Variants in RBFOX1 observed in about 807,000 individuals in gnomAD.
RBFOX1 encodes the protein RNA binding protein fox-1 homolog 1.
Under a neutral mutation model 57.7 loss-of-function variants are expected in RBFOX1, and 8 were observed. The ratio of observed to expected loss-of-function variants is 0.14; its 90% CI spans 0.08 to 0.25. The LOEUF (loss-of-function observed/expected upper bound fraction) is 0.25. RBFOX1 is among the 10% of genes least tolerant of loss of function. RBFOX1 has a pLI of 1.00. For missense variants in RBFOX1, 611 were observed against 548.5 expected, an observed-to-expected ratio of 1.11 and a Z score of -1.14; for synonymous variants, 326 against 222.4, an observed-to-expected ratio of 1.47 and a Z score of -4.15.
At chr16:6,894,059 C>T (rs150054070) in intron 3 of RBFOX1, among the ~76,000 whole-genome samples, 1 of 152,228 alleles carries the variant, frequency 6.6e-6, no homozygotes, top group South Asian at 2.1e-4. Context: ...TTGCATAATA[C>T]TGGATCAATA....
At chr16:5,638,573 G>C (rs1037184090) in intron 3 of RBFOX1, among the ~76,000 whole-genome samples, 23 of 152,208 alleles carry the variant, frequency 1.5e-4, no homozygotes, top group African/African-American at 4.8e-4. Context: ...GGGTGGAAAA[G>C]TGGGGTTATA....
At chr16:7,465,557 T>G (rs1035412841) in intron 4 of RBFOX1, among the ~76,000 whole-genome samples, 1 of 152,202 alleles carries the variant, frequency 6.6e-6, no homozygotes, top group African/African-American at 2.4e-5. Flanking sequence ...TTTGTGTCAT[T>G]TCAGGAAAAT....
chr16:7,165,974 A>ATACATACG lies in RBFOX1; in HGVS notation c.27+113880_27+113881insTACGTACA, dbSNP rs1555526106. On this transcript the variant is annotated intron_variant, in intron 4 of 15. Transcript: ENST00000550418. The stretch of plus-strand genomic sequence containing the variant: ...CACACACACACACACACATACATAC[A>ATACATACG]TACACCCCAGATTTCCTTTGAAGGA... Among the ~76,000 whole-genome samples, 232 of 150,358 alleles carry ATACATACG rather than the reference A, an allele frequency of 1.5e-3. 2 individuals carry two copies. Among genetic ancestry groups the ATACATACG allele is most frequent in the East Asian group, 0.011 (57 of 5,088 alleles).
chr16:7,656,246 C>T (rs752980447), intron 12 of RBFOX1, among the ~76,000 whole-genome samples: 41 of 152,162 alleles, frequency 2.7e-4, no homozygotes, highest in South Asian at 4.1e-4. Flanking sequence ...GAAGGAAATT[C>T]GTCTTGTTGC....
chr16:6,906,248 C>A (rs538678515), intron 3 of RBFOX1, among the ~76,000 whole-genome samples: 19 of 151,924 alleles, frequency 1.3e-4, no homozygotes, highest in Admixed American at 6.5e-4. Context: ...TACCCCCCCC[C>A]AAAATATACA....
At chr16:6,761,442 T>C (rs145351509) in intron 3 of RBFOX1, among the ~76,000 whole-genome samples, 88 of 152,006 alleles carry the variant, frequency 5.8e-4, no homozygotes, top group African/African-American at 1.9e-3. Flanking sequence ...AGTTTTCCTG[T>C]TAGTTTTTAG....
At chr16:5,307,720 G>T (rs1018433032) in intron 1 of RBFOX1, among the ~76,000 whole-genome samples, 3 of 152,118 alleles carry the variant, frequency 2.0e-5, no homozygotes, top group Non-Finnish European at 2.9e-5. Flanking sequence ...CTGTCCCCCA[G>T]GCTGGAGTGC....
At chr16:6,925,666 G>C (rs764156984) in intron 3 of RBFOX1, among the ~76,000 whole-genome samples, 4 of 151,978 alleles carry the variant, frequency 2.6e-5, no homozygotes, top group Admixed American at 2.6e-4. Flanking sequence ...GTAGGGCCTG[G>C]AATGCGTTAA....
chr16:6,598,777 C>G (rs1297609455), intron 2 of RBFOX1, among the ~76,000 whole-genome samples: 1 of 152,076 alleles, frequency 6.6e-6, no homozygotes, highest in Non-Finnish European at 1.5e-5. Flanking sequence ...GAAACCCTGT[C>G]TCTACTAAAA....
intron 4 of RBFOX1, among the ~76,000 whole-genome samples, chr16:7,070,120 G>A (rs976377494): frequency 1.3e-5 from 2 of 152,170 alleles, no homozygotes; most frequent in Non-Finnish European, 2.9e-5. Context: ...AGGTTTGCAA[G>A]CAACTGCCGC....
intron 2 of RBFOX1, among the ~76,000 whole-genome samples, chr16:6,504,478 G>T (rs2096034113): frequency 6.6e-6 from 1 of 152,290 alleles, no homozygotes; most frequent in South Asian, 2.1e-4. Context: ...GAGAAAATTT[G>T]CATGAGACCT....
chr16:7,277,236 G>T lies in RBFOX1; in HGVS notation c.27+225138G>T, dbSNP rs993866982. 2.6e-5 allele frequency among the ~76,000 whole-genome samples: 4 copies of T among 152,034 alleles called. No individual in the cohort carries two copies. The East Asian group carries it at 5.8e-4, about 22-fold the overall frequency. On this transcript the variant is annotated intron_variant, in intron 4 of 15. Coordinates refer to ENST00000550418, the MANE Select transcript of RBFOX1 (RefSeq NM_018723.4). Reference sequence around the variant, plus strand: ...TATTCATCCTGGAGGAATGGTTTCTGTTGGTTATTATCAAAGATGAGGATG... The same window carrying T: ...TATTCATCCTGGAGGAATGGTTTCTTTTGGTTATTATCAAAGATGAGGATG...
chr16:5,250,037 G>GTGAGGAGGAGGTTGCAT (rs2062409605), intron 1 of RBFOX1, among the ~76,000 whole-genome samples: 1 of 151,404 alleles, frequency 6.6e-6, no homozygotes, highest in Non-Finnish European at 1.5e-5. Flanking sequence ...GGAGGTTGCA[G>GTGAGGAGGAGGTTGCAT]TGAGGAGGAG....
chr16:5,907,488 C>T (rs1403064931), intron 4 of RBFOX1, among the ~76,000 whole-genome samples: 1 of 152,158 alleles, frequency 6.6e-6, no homozygotes, highest in Non-Finnish European at 1.5e-5. Context: ...CATCTGTCTC[C>T]TTCAGAGGGC....
intron 3 of RBFOX1, among the ~76,000 whole-genome samples, chr16:6,992,319 G>A (rs2091616244): frequency 6.6e-6 from 1 of 152,216 alleles, no homozygotes; most frequent in African/African-American, 2.4e-5. Flanking sequence ...CCAGGTTCAA[G>A]CAATTCTCCT....
At chr16:7,651,596 T>G (rs2065075073) in intron 11 of RBFOX1, among the ~76,000 whole-genome samples, 1 of 152,220 alleles carries the variant, frequency 6.6e-6, no homozygotes, top group Admixed American at 6.5e-5. Flanking sequence ...GGTGGAACGC[T>G]TCTACTCCTG....
chr16:7,278,854 T>A (rs1338301119), intron 4 of RBFOX1, among the ~76,000 whole-genome samples: 1 of 152,310 alleles, frequency 6.6e-6, no homozygotes, highest in South Asian at 2.1e-4. Flanking sequence ...AAGGCTGTCT[T>A]GTTCTCAGCC....
intron 4 of RBFOX1, among the ~76,000 whole-genome samples, chr16:7,378,877 G>C (rs184756035): frequency 6.6e-6 from 1 of 152,258 alleles, no homozygotes; most frequent in African/African-American, 2.4e-5. Flanking sequence ...ATTATTAAGT[G>C]GCAATAACGA....
intron 2 of RBFOX1, among the ~76,000 whole-genome samples, chr16:6,322,281 G>A (rs189699151): frequency 1.8e-4 from 28 of 152,234 alleles, no homozygotes; most frequent in Non-Finnish European, 3.2e-4. Flanking sequence ...CAAGAATATC[G>A]TCTAGTTGGT....
Sources: gnomAD v4.1 joint callset for allele counts (sites outside exome capture counted in the v4.1 genomes callset) on GRCh38, gnomAD v4.1.1 for gene constraint, MANE v1.5 for transcripts, NCBI Gene and HGNC (gene_info 2026-07-23, HGNC 2026-07-21) for gene names.